The following SPTBN1 variants were observed in gnomAD, a reference collection of about 807,000 sequenced individuals.
SPTBN1 encodes spectrin beta, non-erythrocytic 1, also known as spectrin beta chain, non-erythrocytic 1.
A neutral mutation model predicts 266.4 loss-of-function variants in SPTBN1; 32 were observed. The observed-to-expected ratio is 0.12, with a 90% CI of 0.09 to 0.16. The LOEUF is 0.16. SPTBN1 is among the 10% of genes least tolerant of loss of function. The pLI, the probability that SPTBN1 is intolerant of heterozygous loss-of-function variation, is 1.00. For synonymous variants in SPTBN1, 1,336 were observed against 1,162.2 expected, an observed-to-expected ratio of 1.15 and a Z score of -3.04; for missense variants, 2,296 against 3,067.1, an observed-to-expected ratio of 0.75 and a Z score of 5.94.
rs1209132160 is a variant in SPTBN1, at chr2:54,576,074, A to ATTTTT, written c.149-23018_149-23017insTTTTT. ...ATCCAGCTTTTTTTTTTTTTTTTTG[A>ATTTTT]GAGACAGTCTGGCTGTGTCTCCCAG... is the stretch of plus-strand genomic sequence containing the variant. On this transcript the variant is annotated intron_variant, in intron 2 of 35. Coordinates refer to ENST00000356805, the MANE Select transcript of SPTBN1 (RefSeq NM_003128.3). 7.1e-4 allele frequency among the ~76,000 whole-genome samples: 67 copies of ATTTTT among 93,854 alleles called. 14 individuals are homozygous for ATTTTT. The South Asian group carries it at 0.014, about 19-fold the overall frequency. 61.6% of individuals were successfully genotyped at this position (93,854 alleles called of 152,430 possible). A position where few individuals can be genotyped will look rare whatever the true frequency, so the allele number is the denominator to read the frequency against.
intron 2 of SPTBN1, among the ~76,000 whole-genome samples, chr2:54,544,631 A>G (rs989395725): frequency 5.9e-5 from 9 of 152,234 alleles, no homozygotes; most frequent in African/African-American, 2.2e-4. Flanking sequence ...AAAAATGTCA[A>G]ACATTTATTT....
chr2:54,524,023 AC>A (rs1441414515), intron 1 of SPTBN1, among the ~76,000 whole-genome samples: 1 of 151,900 alleles, frequency 6.6e-6, no homozygotes, highest in Non-Finnish European at 1.5e-5. Flanking sequence ...ATATAGTGAA[AC>A]CCCGTCTCTA....
chr2:54,623,358 T>C lies in SPTBN1; in HGVS notation c.1065-121T>C, dbSNP rs1049835345. The C allele has an allele frequency of 7.2e-6, 6 of 828,566 alleles. No individual in the cohort carries two copies. In the African/African-American group the frequency reaches 1.0e-4, roughly 14 times the overall value. 51.3% of individuals were successfully genotyped at this position (828,566 alleles called of 1,614,324 possible). A position where few individuals can be genotyped will look rare whatever the true frequency, so the allele number is the denominator to read the frequency against. On this transcript the variant is annotated intron_variant, in intron 9 of 35. Transcript: ENST00000356805. ...TTGTAATAGCCAATAAGCAACCTAC[T>C]GATGTCTCTTTGACATGCATTTCAT...
At chr2:54,593,823 C>CTTTTTTTTTTTTTTTTTTTT (rs374877354) in intron 2 of SPTBN1, among the ~76,000 whole-genome samples, 1 of 64,782 alleles carries the variant, frequency 1.5e-5, no homozygotes, top group Non-Finnish European at 2.7e-5. Context: ...CATGGAAACA[C>CTTTTTTTTTTTTTTTTTTTT]TTTTTTTTTT....
intron 1 of SPTBN1, among the ~76,000 whole-genome samples, chr2:54,499,562 A>G (rs1446525757): frequency 1.3e-5 from 2 of 152,228 alleles, no homozygotes; most frequent in East Asian, 3.8e-4. Flanking sequence ...TTACATGTGA[A>G]AAATATTAAA....
intron 3 of SPTBN1, among the ~76,000 whole-genome samples, chr2:54,600,213 C>G (rs1410675505): frequency 6.6e-6 from 1 of 152,178 alleles, no homozygotes; most frequent in Non-Finnish European, 1.5e-5. Context: ...GTCCCTTGTC[C>G]TATTTGTTAT....
In SPTBN1 at chr2:54,621,393, G is replaced by C; in HGVS notation, c.764-7G>C. 1 of 1,610,726 alleles carries C rather than the reference G, an allele frequency of 6.2e-7. No individual in the cohort carries two copies. Among genetic ancestry groups the C allele is most frequent in the Non-Finnish European group, 8.5e-7 (1 of 1,177,100 alleles). ...ACACACTGAACAGAGTCTTCTCTGG[G>C]TTACAGACATCAGCGTGGACCATCC... On this transcript the variant is annotated splice_region_variant and splice_polypyrimidine_tract_variant and intron_variant, in intron 7 of 35. Transcript: ENST00000356805.
chr2:54,516,212 T>A (rs904672933), intron 1 of SPTBN1: 1 of 152,216 alleles, frequency 6.6e-6, no homozygotes, highest in Admixed American at 6.5e-5. Context: ...CTTCATTTTT[T>A]TCCTGTGCCA....
chr2:54,542,310 C>G (rs1671984610), intron 2 of SPTBN1, among the ~76,000 whole-genome samples: 1 of 152,146 alleles, frequency 6.6e-6, no homozygotes. Context: ...ATGGCTATGT[C>G]GAGATGCCAT....
At chr2:54,647,296 T>G in intron 24 of SPTBN1, 35 bp downstream of exon 24, 1 of 1,608,426 alleles carries the variant, frequency 6.2e-7, no homozygotes, top group Non-Finnish European at 8.5e-7. Flanking sequence ...GACCCGGCTC[T>G]CGATTCCTCT....
At chr2:54,590,663 G>C (rs1675613604) in intron 2 of SPTBN1, among the ~76,000 whole-genome samples, 1 of 152,214 alleles carries the variant, frequency 6.6e-6, no homozygotes, top group African/African-American at 2.4e-5. Flanking sequence ...CTGCCTTCTA[G>C]GTTAGAAGAA....
At chr2:54,529,027 A>G (rs1003087368) in intron 2 of SPTBN1, among the ~76,000 whole-genome samples, 1 of 152,234 alleles carries the variant, frequency 6.6e-6, no homozygotes, top group Non-Finnish European at 1.5e-5. Flanking sequence ...AAAAAACTAT[A>G]TGCTGATAGC....
At chr2:54,580,887 C>G (rs180807217) in intron 2 of SPTBN1, among the ~76,000 whole-genome samples, 1 of 152,202 alleles carries the variant, frequency 6.6e-6, no homozygotes, top group Non-Finnish European at 1.5e-5. Flanking sequence ...CACTTGAGGT[C>G]AGGAGTTTGA....
intron 2 of SPTBN1, among the ~76,000 whole-genome samples, chr2:54,541,958 A>T (rs1266416853): frequency 1.3e-5 from 2 of 152,210 alleles, no homozygotes; most frequent in South Asian, 2.1e-4. Flanking sequence ...AAATGCTAGC[A>T]TTGATCTATT....
rs1397994428 is a variant in SPTBN1, at chr2:54,629,459, T to C, written c.2325T>C (p.Asp775=). ...TCTCCAGCAGCGACGTGGGCCACGA[T>C]GAGTATTCCACACAGTCTCTGGTCA... The part of the protein sequence containing the change: ...KIVSSSDVGH[D]EYSTQSLVKK... The change falls in exon 14 of 36, where the codon GAT becomes GAC. Residue 775 remains aspartate (D), a synonymous_variant. Coordinates refer to ENST00000356805, the MANE Select transcript of SPTBN1 (RefSeq NM_003128.3). 1 of 1,614,102 alleles carries C rather than the reference T, an allele frequency of 6.2e-7. No individual in the cohort carries two copies. Among genetic ancestry groups the C allele is most frequent in the Non-Finnish European group, 8.5e-7 (1 of 1,180,022 alleles).
intron 18 of SPTBN1, among the ~76,000 whole-genome samples, chr2:54,640,941 C>T (rs1679494341): frequency 6.6e-6 from 1 of 152,224 alleles, no homozygotes; most frequent in Non-Finnish European, 1.5e-5. Flanking sequence ...CATTACACCA[C>T]CTATTCTCTG....
Position 54,646,487 on chromosome 2 carries a change from C to G in SPTBN1, c.4866+12C>G. ...AGGAGAAGGCCAAGGTGAGAGGAGG[C>G]GGGAAGCATCCCTGTCCCAGGAGAG... On this transcript the variant is annotated intron_variant, in intron 23 of 35. Coordinates refer to ENST00000356805, the MANE Select transcript of SPTBN1 (RefSeq NM_003128.3). The surrounding 1 kb of genome is among the most constrained non-coding windows in gnomAD (Gnocchi z 4.4). 6.7e-7 allele frequency: 1 copy of G among 1,488,222 alleles called. No individual in the cohort carries two copies. The highest frequency in any genetic ancestry group is 8.9e-7 in the Non-Finnish European group (1 of 1,119,740). 92.2% of individuals were successfully genotyped at this position (1,488,222 alleles called of 1,614,324 possible). A position where few individuals can be genotyped will look rare whatever the true frequency, so the allele number is the denominator to read the frequency against.
At chr2:54,498,430 G>T (rs532934288) in intron 1 of SPTBN1, among the ~76,000 whole-genome samples, 119 of 152,286 alleles carry the variant, frequency 7.8e-4, no homozygotes, top group African/African-American at 2.8e-3. Context: ...TCAAATTCCA[G>T]CTTCACTATC....
intron 2 of SPTBN1, among the ~76,000 whole-genome samples, chr2:54,562,988 A>G (rs1673419851): frequency 6.6e-6 from 1 of 152,160 alleles, no homozygotes; most frequent in South Asian, 2.1e-4. Flanking sequence ...AGAGCTTTCT[A>G]TATGGAATTT....
Sources: allele counts gnomAD v4.1 joint callset (sites outside exome capture counted in the v4.1 genomes callset), GRCh38; gene constraint gnomAD v4.1.1; non-coding constraint Gnocchi (gnomAD v3.1); transcripts MANE v1.5; gene names NCBI Gene and HGNC (gene_info 2026-07-23, HGNC 2026-07-21).